Variants in DIAPH3 observed in about 807,000 individuals in gnomAD.
The protein encoded by DIAPH3 is protein diaphanous homolog 3.
In DIAPH3, 117 loss-of-function variants were observed where a neutral mutation model predicts 144.3. That is an observed-to-expected ratio of 0.81 (90% CI 0.70 to 0.95). The LOEUF is 0.95. Among genes scored for constraint, DIAPH3 ranks in the 40% least tolerant of loss-of-function variants. The pLI is 0.00. For synonymous variants in DIAPH3, 519 were observed against 488.9 expected (o/e 1.06, Z -0.81); for missense variants, 1,421 against 1,412.7 (o/e 1.01, Z -0.09).
chr13:59,910,999 C>T (rs992216456), intron 20 of DIAPH3, among the ~76,000 whole-genome samples: 1 of 151,334 alleles, frequency 6.6e-6, no homozygotes, highest in East Asian at 1.9e-4. Flanking sequence ...CATCCTGGCC[C>T]TGGAGATTAT....
rs558281518 is a variant in DIAPH3 at position 59,699,737 on chromosome 13, T to C, written c.3320-32891A>G. 1.3e-3 allele frequency among the ~76,000 whole-genome samples: 192 copies of C among 152,320 alleles called. 1 individual carries two copies. Among genetic ancestry groups the C allele is most frequent in the African/African-American group, 4.4e-3 (182 of 41,576 alleles). On this transcript the variant is annotated intron_variant, in intron 27 of 27. Coordinates refer to ENST00000400324, the MANE Select transcript of DIAPH3 (RefSeq NM_001042517.2). ...GACTGTTGGAGCTAAATTAGAATGA[T>C]AGGCTTACATGGATTTTCTAATCTT... is the stretch of plus-strand genomic sequence containing the variant.
At chr13:59,873,373 T>C (rs1253659067) in intron 21 of DIAPH3, among the ~76,000 whole-genome samples, 1 of 152,140 alleles carries the variant, frequency 6.6e-6, no homozygotes, top group Non-Finnish European at 1.5e-5. Context: ...AAGTGATACA[T>C]AGGGATCAAA....
chr13:60,038,269 T>C (rs1450918143), intron 5 of DIAPH3, among the ~76,000 whole-genome samples: 1 of 152,120 alleles, frequency 6.6e-6, no homozygotes, highest in African/African-American at 2.4e-5. Context: ...TTTGGAAATG[T>C]TTAATATCTA....
At chr13:60,095,530 C>G (rs574026058) in intron 3 of DIAPH3, among the ~76,000 whole-genome samples, 3 of 151,686 alleles carry the variant, frequency 2.0e-5, no homozygotes, top group Non-Finnish European at 4.4e-5. Context: ...ATTGTCATGG[C>G]GCTAGTGAGA....
At chr13:59,756,054 G>A (rs1243938386) in intron 27 of DIAPH3, among the ~76,000 whole-genome samples, 4 of 152,120 alleles carry the variant, frequency 2.6e-5, no homozygotes, top group Non-Finnish European at 5.9e-5. Context: ...TCTTGTATGA[G>A]TAGCACTTGG....
At chr13:59,898,804 T>A (rs1296424814) in intron 20 of DIAPH3, among the ~76,000 whole-genome samples, 1 of 152,114 alleles carries the variant, frequency 6.6e-6, no homozygotes, top group African/African-American at 2.4e-5. Flanking sequence ...GAGTGTCAAC[T>A]TGTTTGGATT....
chr13:59,811,051 G>A, intron 24 of DIAPH3, 128 bp from the exon 25 acceptor site: 1 of 854,650 alleles, frequency 1.2e-6, no homozygotes, highest in South Asian at 1.8e-5. Flanking sequence ...AGTTATGTTA[G>A]TAATACAGTC....
At chr13:60,024,635 G>A (rs1040692459) in intron 5 of DIAPH3, among the ~76,000 whole-genome samples, 1 of 151,976 alleles carries the variant, frequency 6.6e-6, no homozygotes, top group Non-Finnish European at 1.5e-5. Context: ...CATTCAGTTT[G>A]TGATTTTCCT....
intron 20 of DIAPH3, among the ~76,000 whole-genome samples, chr13:59,890,964 T>C (rs2045755628): frequency 6.7e-6 from 1 of 148,510 alleles, no homozygotes; most frequent in Admixed American, 6.8e-5. Context: ...GACATAAAAG[T>C]GCAAATGAAC....
Position 59,964,074 on chromosome 13 carries a change from C to A in DIAPH3, c.2074+5870G>T, listed in dbSNP as rs1394634172. ...TGCCCTGGTGAAATGGAGAGTAAGG[C>A]AGAAGACAGAGAAAATGGAAGATAA... On this transcript the variant is annotated intron_variant, in intron 17 of 27. Transcript: ENST00000400324. Among the ~76,000 whole-genome samples, 6 of 152,020 alleles carry A rather than the reference C, an allele frequency of 3.9e-5. No homozygotes were observed. In the South Asian group the frequency reaches 1.2e-3, roughly 32 times the overall value.
chr13:59,903,072 T>C (rs542889417), intron 20 of DIAPH3, among the ~76,000 whole-genome samples: 4 of 152,242 alleles, frequency 2.6e-5, no homozygotes, highest in Admixed American at 2.0e-4. Flanking sequence ...AACTTCAGAC[T>C]GACACAACTT....
chr13:59,753,959 T>C (rs372487854), intron 27 of DIAPH3, among the ~76,000 whole-genome samples: 1 of 152,128 alleles, frequency 6.6e-6, no homozygotes, highest in African/African-American at 2.4e-5. Context: ...CCACCCCTTC[T>C]AAAACCCTCA....
In DIAPH3 at chr13:59,666,189, A is replaced by G. The variant is rs930797112; in HGVS notation, c.*395T>C. 9 of 178,690 alleles carry G rather than the reference A, an allele frequency of 5.0e-5. No homozygotes were observed. Among genetic ancestry groups the G allele is most frequent in the African/African-American group, 2.2e-4 (9 of 41,700 alleles). 11.1% of individuals were successfully genotyped at this position (178,690 alleles called of 1,614,324 possible). A position where few individuals can be genotyped will look rare whatever the true frequency, so the allele number is the denominator to read the frequency against. On this transcript the variant is annotated 3_prime_UTR_variant, in exon 28 of 28. Transcript: ENST00000400324. ...ATGGATATGTAAAGACTTGAGGTTG[A>G]TGACCTGACATCCATTAATGTTAAA...
chr13:59,847,880 A>C (rs1037502483), intron 22 of DIAPH3, among the ~76,000 whole-genome samples: 7 of 152,172 alleles, frequency 4.6e-5, no homozygotes, highest in African/African-American at 1.7e-4. Context: ...CCAATGGCCT[A>C]TTTGGACATG....
At chr13:59,693,575 A>G (rs2033648907) in intron 27 of DIAPH3, among the ~76,000 whole-genome samples, 1 of 152,208 alleles carries the variant, frequency 6.6e-6, no homozygotes, top group African/African-American at 2.4e-5. Context: ...GCAATCTCAC[A>G]TGGAAACTCA....
chr13:60,005,750 G>A (rs1365075407), intron 9 of DIAPH3, among the ~76,000 whole-genome samples: 1 of 152,092 alleles, frequency 6.6e-6, no homozygotes, highest in South Asian at 2.1e-4. Flanking sequence ...CAAAGTGCTA[G>A]GATTACAGGC....
chr13:60,129,375 A>T (rs2059078056), intron 2 of DIAPH3, among the ~76,000 whole-genome samples: 1 of 152,226 alleles, frequency 6.6e-6, no homozygotes, highest in Non-Finnish European at 1.5e-5. Context: ...GAATGCTCAT[A>T]TTTATAGAAC....
At chr13:60,032,363 G>A (rs1360071240) in intron 5 of DIAPH3, among the ~76,000 whole-genome samples, 1 of 152,180 alleles carries the variant, frequency 6.6e-6, no homozygotes, top group African/African-American at 2.4e-5. Flanking sequence ...GGTTCTATGT[G>A]AGGATTCTGC....
At chr13:59,762,500 G>A (rs2037654204) in intron 27 of DIAPH3, among the ~76,000 whole-genome samples, 1 of 152,086 alleles carries the variant, frequency 6.6e-6, no homozygotes, top group Admixed American at 6.5e-5. Flanking sequence ...TTTAAAGTCT[G>A]GTTACAATGT....
Sources: gnomAD v4.1 joint callset for allele counts (sites outside exome capture counted in the v4.1 genomes callset) on GRCh38, gnomAD v4.1.1 for gene constraint, MANE v1.5 for transcripts, NCBI Gene and HGNC (gene_info 2026-07-23, HGNC 2026-07-21) for gene names.